BRWD1: variants seen among roughly 807,000 people sequenced by gnomAD.
BRWD1 encodes bromodomain and WD repeat-containing protein 1.
Under a neutral mutation model 251.2 loss-of-function variants are expected in BRWD1, and 82 were observed. The ratio of observed to expected loss-of-function variants is 0.33; its 90% CI spans 0.27 to 0.39. The LOEUF (loss-of-function observed/expected upper bound fraction) is 0.39, where lower values mean the gene tolerates loss of function less well. Ranked by LOEUF, BRWD1 falls within the 10% of genes least tolerant of loss-of-function variation. The pLI is 1.00. For synonymous variants in BRWD1, 918 were observed against 902.8 expected, an observed-to-expected ratio of 1.02 and a Z score of -0.30; for missense variants, 2,233 against 2,711.6, an observed-to-expected ratio of 0.82 and a Z score of 3.92.
chr21:39,290,618 A>G (rs1197893809), intron 8 of BRWD1, among the ~76,000 whole-genome samples: 1 of 152,226 alleles, frequency 6.6e-6, no homozygotes, highest in Non-Finnish European at 1.5e-5. Context: ...TCCACTTTCA[A>G]AGAATTCCAA....
At chr21:39,233,497 G>C (rs1301527508) in intron 23 of BRWD1, among the ~76,000 whole-genome samples, 1 of 151,934 alleles carries the variant, frequency 6.6e-6, no homozygotes, top group Admixed American at 6.6e-5. Context: ...CAAGTATGAA[G>C]ACAGACATGT....
intron 8 of BRWD1, among the ~76,000 whole-genome samples, chr21:39,292,132 T>TGGGGGGGGGGGGGGG (rs1182694435): frequency 1.6e-4 from 2 of 12,352 alleles, no homozygotes; most frequent in Non-Finnish European, 1.8e-4. Context: ...TGGGTGGGGG[T>TGGGGGGGGGGGGGGG]GGGGGGGGGG....
At chr21:39,310,935 A>G (rs1036803896) in intron 4 of BRWD1, among the ~76,000 whole-genome samples, 11 of 152,142 alleles carry the variant, frequency 7.2e-5, no homozygotes, top group African/African-American at 2.7e-4. Context: ...ACAAAAGAAT[A>G]ATTCTCTACA....
upstream of BRWD1, among the ~76,000 whole-genome samples, chr21:39,315,145 C>T (rs2036673751): frequency 6.6e-6 from 1 of 151,974 alleles, no homozygotes; most frequent in East Asian, 1.9e-4. Flanking sequence ...TGCAGGCAAG[C>T]GCCACCACGT....
chr21:39,233,742 G>A (rs775266059), intron 23 of BRWD1, among the ~76,000 whole-genome samples: 4 of 152,222 alleles, frequency 2.6e-5, no homozygotes, highest in Non-Finnish European at 5.9e-5. Context: ...TAGCTTGGCC[G>A]GGCGCCATGG....
At chr21:39,205,858 T>C (rs1357905513) in intron 37 of BRWD1, among the ~76,000 whole-genome samples, 1 of 152,086 alleles carries the variant, frequency 6.6e-6, no homozygotes, top group Non-Finnish European at 1.5e-5. Context: ...GGTGGGTGGA[T>C]CACCTGCGGT....
Position 39,199,129 on chromosome 21 carries a change from G to C in BRWD1, c.5287C>G (p.His1763Asp). 1 of 1,613,844 alleles carries C rather than the reference G, an allele frequency of 6.2e-7. No individual in the cohort carries two copies. The highest frequency in any genetic ancestry group is 8.5e-7 in the Non-Finnish European group (1 of 1,179,968). Reference protein sequence around the residue: ...IESSEEDSKSHDSDHACNRTA... With the variant: ...IESSEEDSKSDDSDHACNRTA... ...CTGTTACATGCATGATCTGAATCAT[G>C]ACTTTTAGAGTCTTCCTCAGAAGAC... Residue 1763 changes from histidine (H) to aspartate (D), a missense_variant, in exon 40 of 41, where the codon CAT (histidine) becomes GAT (aspartate). His to Asp is a moderately conservative substitution (Grantham distance 81). Around this residue, in one of 12 missense-constraint regions of BRWD1, gnomAD observed 928 missense variants for 970.0 expected, o/e 0.96. Transcript: ENST00000342449.
upstream of BRWD1, among the ~76,000 whole-genome samples, chr21:39,315,251 G>A (rs1201031807): frequency 6.6e-6 from 1 of 150,614 alleles, no homozygotes. Context: ...TGATCCACCC[G>A]CCTTGGCCTC....
Position 39,194,645 on chromosome 21 carries a change from AGAT to A in BRWD1, c.*1611_*1613del. ...TACCTTCTACTATGTCAAATGGAAT[AGAT>A]AACTACAAAATAGGAACACTTCAGA... is the stretch of plus-strand genomic sequence containing the variant. On this transcript the variant is annotated 3_prime_UTR_variant, in exon 41 of 41. Coordinates refer to ENST00000342449, the MANE Select transcript of BRWD1 (RefSeq NM_033656.4). 6.5e-7 allele frequency: 1 copy of A among 1,532,588 alleles called. No homozygotes were observed. The highest frequency in any genetic ancestry group is 8.7e-7 in the Non-Finnish European group (1 of 1,144,670). The allele number at this position is 1,532,588 out of a possible 1,614,324, so 94.9% of individuals were successfully genotyped here.
intron 37 of BRWD1, among the ~76,000 whole-genome samples, chr21:39,204,802 G>A (rs9981472): frequency 0.029 from 4,380 of 152,116 alleles, 97 homozygotes; most frequent in Non-Finnish European, 0.043. Context: ...TGGATCCCTC[G>A]CATGCAGTTA....
At chr21:39,309,932 G>A (rs1373001910) in intron 4 of BRWD1, among the ~76,000 whole-genome samples, 2 of 151,896 alleles carry the variant, frequency 1.3e-5, no homozygotes, top group Non-Finnish European at 2.9e-5. Context: ...ATTTTTTAGA[G>A]ATGAACTCTG....
chr21:39,191,953 T>C lies in BRWD1; in HGVS notation c.*4306A>G. ...GGTCTTGCCATACTTGAGAAACAGA[T>C]GTATAGTCTAATTATTTACATGTTG... On this transcript the variant is annotated 3_prime_UTR_variant, in exon 41 of 41. Coordinates refer to ENST00000342449, the MANE Select transcript of BRWD1 (RefSeq NM_033656.4). 4 of 985,116 alleles carry C rather than the reference T, an allele frequency of 4.1e-6. No homozygotes were observed. The highest frequency in any genetic ancestry group is 4.8e-6 in the Non-Finnish European group (4 of 829,674). The allele number at this position is 985,116 out of a possible 1,614,324, so 61.0% of individuals were successfully genotyped here. A position where few individuals can be genotyped will look rare whatever the true frequency, so the allele number is the denominator to read the frequency against.
intron 10 of BRWD1, among the ~76,000 whole-genome samples, chr21:39,278,025 T>G (rs1341836347): frequency 6.6e-6 from 1 of 152,066 alleles, no homozygotes; most frequent in Non-Finnish European, 1.5e-5. Flanking sequence ...TTGTTTTGTT[T>G]TTTTTTAGAG....
chr21:39,255,578 G>C, intron 19 of BRWD1, 67 bp downstream of exon 19: 1 of 1,311,126 alleles, frequency 7.6e-7, no homozygotes, highest in Non-Finnish European at 1.1e-6. Context: ...AATACAGAAT[G>C]TGTAAATAAC....
chr21:39,295,816 T>G lies in BRWD1; in HGVS notation c.536A>C (p.His179Pro). 6.2e-7 allele frequency: 1 copy of G among 1,612,588 alleles called. No homozygotes were observed. The highest frequency in any genetic ancestry group is 8.5e-7 in the Non-Finnish European group (1 of 1,179,052). The change falls in exon 7 of 41, where the codon CAC becomes CCC. Residue 179 changes from histidine (H) to proline (P), a missense_variant. Around this residue, in one of 12 missense-constraint regions of BRWD1, gnomAD observed 185 missense variants for 260.6 expected, o/e 0.71. Transcript: ENST00000342449. ...PGTMYQHIKM[H>P]RRILGHLSAV... is the part of the protein sequence containing the mutation. ...AGATAGATGTCCGAGAATCCTTCTGTGCATTTTTATATGCTGATACATAGT... is the reference window on the plus strand; with the variant it reads ...AGATAGATGTCCGAGAATCCTTCTGGGCATTTTTATATGCTGATACATAGT...
At chr21:39,311,264 G>C (rs2036474650) in intron 4 of BRWD1, among the ~76,000 whole-genome samples, 1 of 151,994 alleles carries the variant, frequency 6.6e-6, no homozygotes. Context: ...AACTCCCAGA[G>C]TCAAGTGATC....
intron 31 of BRWD1, chr21:39,217,032 TATAAATATATATATATA>T (rs2032941937): frequency 5.1e-4 from 10 of 19,664 alleles, no homozygotes; most frequent in African/African-American, 7.2e-4. Context: ...TATATATATA[TATAAATATATATATATA>T]TTTATATATA....
intron 11 of BRWD1, among the ~76,000 whole-genome samples, chr21:39,276,745 T>C (rs989374347): frequency 3.3e-4 from 39 of 117,644 alleles, no homozygotes; most frequent in Admixed American, 3.3e-3. Flanking sequence ...TCTTATTTCA[T>C]GGGCTTGGTT....
At chr21:39,311,256 C>T (rs1458883978) in intron 4 of BRWD1, among the ~76,000 whole-genome samples, 1 of 152,074 alleles carries the variant, frequency 6.6e-6, no homozygotes, top group African/African-American at 2.4e-5. Context: ...CAGCCTCAAA[C>T]TCCCAGAGTC....
Sources: gnomAD v4.1 joint callset for allele counts (sites outside exome capture counted in the v4.1 genomes callset) on GRCh38, gnomAD v4.1.1 for gene constraint, gnomAD v4.1.1 regional missense constraint, MANE v1.5 for transcripts, NCBI Gene and HGNC (gene_info 2026-07-23, HGNC 2026-07-21) for gene names.